The following HS6ST3 variants were observed in gnomAD, a reference collection of about 807,000 sequenced individuals.
HS6ST3 encodes the protein heparan-sulfate 6-O-sulfotransferase 3.
In HS6ST3, 12 loss-of-function variants were observed where a neutral mutation model predicts 36.7. The observed-to-expected ratio is 0.33, with a 90% CI of 0.21 to 0.53. HS6ST3 has a LOEUF of 0.53. Among genes scored for constraint, HS6ST3 ranks in the 20% least tolerant of loss-of-function variants. The pLI is 0.95. For synonymous variants in HS6ST3, 240 were observed against 257.5 expected (o/e 0.93, Z 0.65); for missense variants, 584 against 640.9 (o/e 0.91, Z 0.96).
intron 1 of HS6ST3, among the ~76,000 whole-genome samples, chr13:96,804,773 A>C (rs530878890): frequency 1.3e-5 from 2 of 152,316 alleles, no homozygotes; most frequent in South Asian, 2.1e-4. Flanking sequence ...CTGCGTAAAA[A>C]TTCAGTGAAA....
intron 1 of HS6ST3, among the ~76,000 whole-genome samples, chr13:96,586,012 A>G (rs2056359717): frequency 2.0e-5 from 3 of 152,198 alleles, no homozygotes. Flanking sequence ...GGATGTATTA[A>G]TTACATTCCC....
chr13:96,184,431 C>CT (rs1301418965), intron 1 of HS6ST3, among the ~76,000 whole-genome samples: 10 of 152,194 alleles, frequency 6.6e-5, no homozygotes, highest in African/African-American at 2.2e-4. Context: ...ATCCTTTTCT[C>CT]TCTTCCCACA....
intron 1 of HS6ST3, among the ~76,000 whole-genome samples, chr13:96,353,518 G>T (rs73550664): frequency 6.6e-6 from 1 of 151,570 alleles, no homozygotes; most frequent in South Asian, 2.1e-4. Flanking sequence ...AAAATATAAA[G>T]CTTAACTGAA....
intron 1 of HS6ST3, among the ~76,000 whole-genome samples, chr13:96,713,087 G>T (rs549283381): frequency 6.6e-6 from 1 of 152,246 alleles, no homozygotes; most frequent in East Asian, 1.9e-4. Flanking sequence ...ATCTTTTTCT[G>T]TGCTAAATTT....
At chr13:96,127,052 T>A (rs575706809) in intron 1 of HS6ST3, among the ~76,000 whole-genome samples, 1 of 152,280 alleles carries the variant, frequency 6.6e-6, no homozygotes, top group South Asian at 2.1e-4. Context: ...TCAAAGACAA[T>A]GAAGTGTTTG....
chr13:96,096,895 C>G (rs1594674699), intron 1 of HS6ST3, among the ~76,000 whole-genome samples: 3 of 152,136 alleles, frequency 2.0e-5, no homozygotes, highest in Admixed American at 6.5e-5. Flanking sequence ...AATTGTTGAA[C>G]TACCAAGAAG....
intron 1 of HS6ST3, among the ~76,000 whole-genome samples, chr13:96,279,861 C>T (rs2054766784): frequency 6.6e-6 from 1 of 152,122 alleles, no homozygotes; most frequent in South Asian, 2.1e-4. Context: ...GGTTTCTTCT[C>T]AGTGTCACCT....
At position 96,090,898 on chromosome 13, in the gene HS6ST3, G is replaced by A; in HGVS notation, c.36G>A (p.Pro12=). 2 of 1,513,934 alleles carry A rather than the reference G, an allele frequency of 1.3e-6. No individual in the cohort carries two copies. The highest frequency in any genetic ancestry group is 2.0e-5 in the Admixed American group (1 of 49,930). The allele number at this position is 1,513,934 out of a possible 1,614,324, so 93.8% of individuals were successfully genotyped here. Residue 12 remains proline (P), a synonymous_variant, in exon 1 of 2, where the codon CCG becomes CCA. Transcript: ENST00000376705. ...GGTTCAACAAGTGGCTGCTGACGCC[G>A]GTGCTCACTCTCCTCTTCGTGGTCA... is the stretch of plus-strand genomic sequence containing the variant. ...DERFNKWLLT[P]VLTLLFVVIM...
chr13:96,258,698 A>G (rs917361140), intron 1 of HS6ST3, among the ~76,000 whole-genome samples: 7 of 152,168 alleles, frequency 4.6e-5, no homozygotes, highest in Admixed American at 1.3e-4. Context: ...CCAACATCCA[A>G]CAGTGTCTGA....
At chr13:96,349,311 AT>A (rs375386503) in intron 1 of HS6ST3, among the ~76,000 whole-genome samples, 183 of 151,156 alleles carry the variant, frequency 1.2e-3, no homozygotes, top group Admixed American at 1.6e-3. Flanking sequence ...TTTCTGCAGT[AT>A]TTTTTTTTGT....
intron 1 of HS6ST3, among the ~76,000 whole-genome samples, chr13:96,132,731 C>T (rs762742975): frequency 2.0e-5 from 3 of 152,088 alleles, no homozygotes; most frequent in Non-Finnish European, 4.4e-5. Flanking sequence ...AATTTATACT[C>T]CCCATCAATA....
At chr13:96,711,802 C>G (rs990538146) in intron 1 of HS6ST3, among the ~76,000 whole-genome samples, 3 of 152,208 alleles carry the variant, frequency 2.0e-5, no homozygotes, top group East Asian at 1.9e-4. Context: ...GTGTCACACT[C>G]TCCCTGTGGG....
At chr13:96,490,151 A>AATT (rs1682405018) in intron 1 of HS6ST3, among the ~76,000 whole-genome samples, 1 of 152,138 alleles carries the variant, frequency 6.6e-6, no homozygotes, top group Non-Finnish European at 1.5e-5. Flanking sequence ...TAGTTCTTGG[A>AATT]ATTATATTCT....
chr13:96,527,076 A>G (rs2056117062), intron 1 of HS6ST3, among the ~76,000 whole-genome samples: 2 of 126,874 alleles, frequency 1.6e-5, no homozygotes, highest in Admixed American at 1.9e-4. Context: ...AAAATTATAT[A>G]TTGGTTCACT....
intron 1 of HS6ST3, among the ~76,000 whole-genome samples, chr13:96,741,547 A>G (rs1772395225): frequency 6.6e-6 from 1 of 152,162 alleles, no homozygotes; most frequent in African/African-American, 2.4e-5. Context: ...ATAAAGCACC[A>G]CTGTGTGCAG....
chr13:96,767,636 C>G (rs1341383318), intron 1 of HS6ST3, among the ~76,000 whole-genome samples: 1 of 152,178 alleles, frequency 6.6e-6, no homozygotes, highest in Non-Finnish European at 1.5e-5. Flanking sequence ...CAGAATTTGA[C>G]AACATTTCTG....
At chr13:96,179,587 A>T (rs2054229413) in intron 1 of HS6ST3, among the ~76,000 whole-genome samples, 1 of 152,176 alleles carries the variant, frequency 6.6e-6, no homozygotes, top group Admixed American at 6.5e-5. Context: ...TCTTGCAAAG[A>T]TCATTCACGG....
chr13:96,333,164 T>C (rs1287290035), intron 1 of HS6ST3, among the ~76,000 whole-genome samples: 1 of 152,216 alleles, frequency 6.6e-6, no homozygotes, highest in Non-Finnish European at 1.5e-5. Context: ...TTTGACCACA[T>C]CTACTTAAAA....
chr13:96,184,632 C>G (rs978493123), intron 1 of HS6ST3, among the ~76,000 whole-genome samples: 1 of 152,136 alleles, frequency 6.6e-6, no homozygotes, highest in African/African-American at 2.4e-5. Context: ...TGTTCTTCCT[C>G]CATATTGCAC....
Sources: gnomAD v4.1 joint callset for allele counts (sites outside exome capture counted in the v4.1 genomes callset) on GRCh38, gnomAD v4.1.1 for gene constraint, MANE v1.5 for transcripts, NCBI Gene and HGNC (gene_info 2026-07-23, HGNC 2026-07-21) for gene names.